The following SKP2 variants were observed in gnomAD, a reference collection of about 807,000 sequenced individuals.
SKP2 encodes the protein S-phase kinase-associated protein 2.
Under a neutral mutation model 51.8 loss-of-function variants are expected in SKP2, and 16 were observed. That is an observed-to-expected ratio of 0.31 (90% confidence interval 0.21 to 0.47). SKP2 has a LOEUF of 0.47. Among genes scored for constraint, SKP2 ranks in the 20% least tolerant of loss-of-function variants. SKP2 has a pLI of 1.00. For missense variants in SKP2, 377 were observed against 505.3 expected (o/e 0.75, Z 2.43); for synonymous variants, 176 against 198.6 (o/e 0.89, Z 0.96).
At chr5:36,154,948 A>G (rs1043951665) in intron 2 of SKP2, among the ~76,000 whole-genome samples, 9 of 152,206 alleles carry the variant, frequency 5.9e-5, no homozygotes, top group Non-Finnish European at 8.8e-5. Flanking sequence ...GGAAGAGGTG[A>G]TCAGAGTCTA....
chr5:36,180,732 A>G (rs1350840329), intron 9 of SKP2, among the ~76,000 whole-genome samples: 1 of 152,206 alleles, frequency 6.6e-6, no homozygotes, highest in Non-Finnish European at 1.5e-5. Context: ...AAATTGGTAT[A>G]TAGAATAGGC....
chr5:36,190,829 A>G (rs1746007394), intron 6 of SKP2, among the ~76,000 whole-genome samples: 1 of 152,120 alleles, frequency 6.6e-6, no homozygotes, highest in South Asian at 2.1e-4. Flanking sequence ...CCAGACCCAT[A>G]ATATCATAAC....
At chr5:36,159,018 G>A (rs1745041272) in intron 2 of SKP2, among the ~76,000 whole-genome samples, 3 of 152,186 alleles carry the variant, frequency 2.0e-5, no homozygotes, top group African/African-American at 7.2e-5. Flanking sequence ...TGAATGAAGA[G>A]GGCTAATAAA....
At chr5:36,155,248 C>T (rs1744907590) in intron 2 of SKP2, 1 of 152,086 alleles carries the variant, frequency 6.6e-6, no homozygotes, top group African/African-American at 2.4e-5. Flanking sequence ...CGTTTGTTTT[C>T]AGCCTTTTCT....
intron 6 of SKP2, 76 bp from the exon 7 acceptor site, chr5:36,171,527 C>A: frequency 7.7e-7 from 1 of 1,301,946 alleles, no homozygotes; most frequent in Non-Finnish European, 1.1e-6. Context: ...TTTATATTTT[C>A]TTTGTTTGCA....
chr5:36,160,123 A>C (rs1745078595), intron 2 of SKP2, among the ~76,000 whole-genome samples: 1 of 152,230 alleles, frequency 6.6e-6, no homozygotes, highest in Non-Finnish European at 1.5e-5. Flanking sequence ...CTGAGGCCAG[A>C]AAGATTAAGT....
chr5:36,190,498 G>A (rs376756002), intron 6 of SKP2, among the ~76,000 whole-genome samples: 5 of 152,030 alleles, frequency 3.3e-5, no homozygotes, highest in African/African-American at 1.2e-4. Flanking sequence ...GTTATACTAT[G>A]TGTTTTATTG....
At chr5:36,181,667 A>G in intron 9 of SKP2, 151 bp from the exon 10 acceptor site, 1 of 749,966 alleles carries the variant, frequency 1.3e-6, no homozygotes, top group Non-Finnish European at 2.2e-6. Flanking sequence ...TTTCCAGTTT[A>G]ATTTGCTATT....
chr5:36,166,735 T>C lies in SKP2; in HGVS notation c.536+73T>C, dbSNP rs530398174. 7 of 1,402,762 alleles carry C rather than the reference T, an allele frequency of 5.0e-6. No individual in the cohort carries two copies. In the South Asian group the frequency reaches 8.7e-5, roughly 18 times the overall value. 86.9% of individuals were successfully genotyped at this position (1,402,762 alleles called of 1,614,324 possible). ...AGAAACAGATCAAAGCTTTTTTTTT[T>C]TTTTTCTTTCTTCAGCCTTAAAGCC... On this transcript the variant is annotated intron_variant, in intron 4 of 9. Coordinates refer to ENST00000274255, the MANE Select transcript of SKP2 (RefSeq NM_005983.4).
chr5:36,179,795 G>A (rs753609459), intron 9 of SKP2, among the ~76,000 whole-genome samples: 18 of 152,008 alleles, frequency 1.2e-4, no homozygotes, highest in Non-Finnish European at 2.2e-4. Context: ...AATGGCTCTT[G>A]AACTACTTAT....
At chr5:36,160,510 C>T (rs1373139151) in intron 2 of SKP2, among the ~76,000 whole-genome samples, 1 of 152,022 alleles carries the variant, frequency 6.6e-6, no homozygotes, top group African/African-American at 2.4e-5. Flanking sequence ...CAGGATTGTA[C>T]CTTACTTATT....
chr5:36,160,483 C>T (rs1450737315), intron 2 of SKP2, among the ~76,000 whole-genome samples: 4 of 152,046 alleles, frequency 2.6e-5, no homozygotes, highest in Admixed American at 1.3e-4. Context: ...CTCTCAAACT[C>T]AGAGTAGAAT....
downstream of SKP2, among the ~76,000 whole-genome samples, chr5:36,184,724 C>T (rs1251579232): frequency 6.6e-6 from 1 of 152,218 alleles, no homozygotes; most frequent in African/African-American, 2.4e-5. Context: ...AATAAACATA[C>T]GTTTGCATGT....
chr5:36,175,437 G>T (rs919993075), intron 7 of SKP2, among the ~76,000 whole-genome samples: 1 of 151,970 alleles, frequency 6.6e-6, no homozygotes, highest in African/African-American at 2.4e-5. Flanking sequence ...CTTGTGAGAC[G>T]AAAAAACCCT....
Position 36,184,201 on chromosome 5 carries a change from T to C in SKP2, c.*2170T>C, listed in dbSNP as rs373964010. The C allele has an allele frequency of 3.9e-4, 150 of 380,374 alleles. 5 individuals are homozygous for C. The South Asian group carries it at 0.012, about 29-fold the overall frequency. The allele number at this position is 380,374 out of a possible 1,614,324, so 23.6% of individuals were successfully genotyped here. Reference sequence around the variant, plus strand: ...TTTTGACCCATCTACTTCATATGCTTGTCACATTAAAAAAAAAAGTTTATA... The same window carrying C: ...TTTTGACCCATCTACTTCATATGCTCGTCACATTAAAAAAAAAAGTTTATA... On this transcript the variant is annotated 3_prime_UTR_variant, in exon 10 of 10. Transcript: ENST00000274255.
chr5:36,186,932 G>A (rs541078527), downstream of SKP2, among the ~76,000 whole-genome samples: 4 of 152,228 alleles, frequency 2.6e-5, no homozygotes, highest in South Asian at 8.3e-4. Context: ...CCTGTTATTG[G>A]TCTATTCAGG....
intron 3 of SKP2, among the ~76,000 whole-genome samples, chr5:36,164,995 A>G (rs760171249): frequency 2.2e-4 from 34 of 152,216 alleles, no homozygotes; most frequent in Non-Finnish European, 4.3e-4. Context: ...GTTGTATACT[A>G]TATCTTGGGA....
At chr5:36,166,128 T>C (rs1393697487) in intron 3 of SKP2, among the ~76,000 whole-genome samples, 5 of 152,198 alleles carry the variant, frequency 3.3e-5, no homozygotes, top group Non-Finnish European at 7.3e-5. Flanking sequence ...AAGTGTCAAA[T>C]AGATTTAAAA....
intron 2 of SKP2, among the ~76,000 whole-genome samples, chr5:36,155,471 C>T (rs1268785306): frequency 6.6e-6 from 1 of 152,146 alleles, no homozygotes; most frequent in African/African-American, 2.4e-5. Context: ...CTTCACAGGT[C>T]GTCGTGAAGA....
Sources: allele counts gnomAD v4.1 joint callset (sites outside exome capture counted in the v4.1 genomes callset), GRCh38; gene constraint gnomAD v4.1.1; transcripts MANE v1.5; gene names NCBI Gene and HGNC (gene_info 2026-07-23, HGNC 2026-07-21).